The following HSPA12A variants were observed in gnomAD, a reference collection of about 807,000 sequenced individuals.
The protein encoded by HSPA12A is heat shock 70 kDa protein 12A.
A neutral mutation model predicts 69.2 loss-of-function variants in HSPA12A; 28 were observed. The observed-to-expected ratio is 0.40, with a 90% CI of 0.30 to 0.55. HSPA12A has a LOEUF of 0.55. Among genes scored for constraint, HSPA12A ranks in the 20% least tolerant of loss-of-function variants. The pLI is 0.38. For missense variants in HSPA12A, 686 were observed against 900.7 expected, an observed-to-expected ratio of 0.76 and a Z score of 3.05; for synonymous variants, 345 against 370.5, an observed-to-expected ratio of 0.93 and a Z score of 0.79.
At chr10:116,759,260 C>T (rs1456033437) in intron 2 of HSPA12A, among the ~76,000 whole-genome samples, 2 of 152,232 alleles carry the variant, frequency 1.3e-5, no homozygotes, top group Non-Finnish European at 2.9e-5. Flanking sequence ...GTTCTGTCTC[C>T]ATCTCTGTGG....
chr10:116,782,941 T>C (rs1844495477), intron 2 of HSPA12A, among the ~76,000 whole-genome samples: 1 of 152,152 alleles, frequency 6.6e-6, no homozygotes. Context: ...CGGAGGGTAC[T>C]GGAAGCCTTA....
At chr10:116,832,259 C>T (rs1208517139) in intron 2 of HSPA12A, 1 of 152,138 alleles carries the variant, frequency 6.6e-6, no homozygotes, top group Non-Finnish European at 1.5e-5. Context: ...CCTCCGCCTC[C>T]CCAGTTCAAG....
chr10:116,757,275 TGTGTC>T lies in HSPA12A; in HGVS notation c.92-49995_92-49991del, dbSNP rs549661812. Among the ~76,000 whole-genome samples the T allele has an allele frequency of 1.4e-3, 206 of 152,314 alleles. 2 individuals carry two copies. The highest frequency in any genetic ancestry group is 2.3e-3 in the Non-Finnish European group (158 of 68,036). ...GCACGTTAGTGTTACGGATTTTGCC[TGTGTC>T]CCAGGAGCTGGGTTAACAGCATGAG... On this transcript the variant is annotated intron_variant, in intron 2 of 12. Coordinates refer to the HSPA12A transcript ENST00000635765.
chr10:116,767,951 T>C (rs1227691400), intron 2 of HSPA12A, among the ~76,000 whole-genome samples: 2 of 152,110 alleles, frequency 1.3e-5, no homozygotes, highest in African/African-American at 4.8e-5. Context: ...TGGCAGTTCC[T>C]CAAAAAGTTA....
Position 116,742,489 on chromosome 10 carries a change from G to A in HSPA12A, c.-20C>T. 1 of 1,334,818 alleles carries A rather than the reference G, an allele frequency of 7.5e-7. No homozygotes were observed. Among genetic ancestry groups the A allele is most frequent in the Non-Finnish European group, 9.6e-7 (1 of 1,041,504 alleles). 82.7% of individuals were successfully genotyped at this position (1,334,818 alleles called of 1,614,324 possible). On this transcript the variant is annotated 5_prime_UTR_variant, in exon 1 of 12. Coordinates refer to ENST00000369209, the MANE Select transcript of HSPA12A (RefSeq NM_025015.3). ...CGCCATGGTCGCGCAGCCCCGGACC[G>A]CGAGGGGAGCCTCCAGCGCAGCGCC...
chr10:116,770,054 G>A (rs1374671747), intron 2 of HSPA12A, among the ~76,000 whole-genome samples: 1 of 152,208 alleles, frequency 6.6e-6, no homozygotes, highest in Non-Finnish European at 1.5e-5. Flanking sequence ...CAAGTAAGGA[G>A]AGAGTTTGTC....
intron 2 of HSPA12A, among the ~76,000 whole-genome samples, chr10:116,826,614 G>C (rs1225230286): frequency 1.3e-5 from 2 of 152,138 alleles, no homozygotes; most frequent in Non-Finnish European, 2.9e-5. Flanking sequence ...CTCACAAACA[G>C]TTCACATACA....
intron 1 of HSPA12A, among the ~76,000 whole-genome samples, chr10:116,837,069 G>A (rs189071498): frequency 7.8e-4 from 119 of 152,224 alleles, no homozygotes; most frequent in Non-Finnish European, 6.5e-4. Flanking sequence ...GTCACTTGGC[G>A]GCGGCAGTGA....
intron 2 of HSPA12A, among the ~76,000 whole-genome samples, chr10:116,753,216 T>A (rs1192572077): frequency 2.0e-5 from 3 of 152,076 alleles, no homozygotes; most frequent in Non-Finnish European, 4.4e-5. Flanking sequence ...GGCAAACCCA[T>A]GGCAGTGGGG....
chr10:116,707,148 TGC>T (rs146552482), intron 2 of HSPA12A, 50 bp downstream of exon 2: 264,663 of 940,348 alleles, frequency 0.28, 25,317 homozygotes, highest in Admixed American at 0.36. Flanking sequence ...TGCGCACCCA[TGC>T]GCGCACACAC....
At chr10:116,728,198 C>G (rs1851037084) in intron 1 of HSPA12A, among the ~76,000 whole-genome samples, 2 of 152,140 alleles carry the variant, frequency 1.3e-5, no homozygotes, top group South Asian at 4.1e-4. Context: ...ACCTGGGCCT[C>G]CTAAAGTGCT....
chr10:116,764,811 A>T (rs1554889602), intron 2 of HSPA12A, among the ~76,000 whole-genome samples: 1 of 152,216 alleles, frequency 6.6e-6, no homozygotes, highest in African/African-American at 2.4e-5. Flanking sequence ...AGTAGTAGAG[A>T]TACAATATAG....
chr10:116,732,979 G>A (rs1290294557), intron 1 of HSPA12A, among the ~76,000 whole-genome samples: 1 of 152,172 alleles, frequency 6.6e-6, no homozygotes, highest in Non-Finnish European at 1.5e-5. Context: ...GGTGGGCCCA[G>A]TCCAGACATT....
intron 6 of HSPA12A, among the ~76,000 whole-genome samples, chr10:116,688,918 G>T (rs1554879806): frequency 6.6e-6 from 1 of 152,172 alleles, no homozygotes; most frequent in African/African-American, 2.4e-5. Flanking sequence ...TCAGAAGAGG[G>T]ATCAGCTGTT....
intron 2 of HSPA12A, among the ~76,000 whole-genome samples, chr10:116,769,414 A>T (rs995529313): frequency 7.2e-5 from 11 of 152,044 alleles, no homozygotes; most frequent in Non-Finnish European, 1.6e-4. Flanking sequence ...TCCAATGTAG[A>T]CCCCTATGGT....
intron 5 of HSPA12A, chr10:116,698,393 C>T (rs1047014581): frequency 1.2e-5 from 5 of 401,906 alleles, no homozygotes; most frequent in South Asian, 7.6e-5. Context: ...CTGGGTCCTA[C>T]GGTAACTCTG....
chr10:116,746,940 C>T (rs1429500684), upstream of HSPA12A, among the ~76,000 whole-genome samples: 1 of 152,204 alleles, frequency 6.6e-6, no homozygotes, highest in Non-Finnish European at 1.5e-5. Flanking sequence ...GGAACGTTGT[C>T]CATGAACTGA....
exon 1 of HSPA12A, chr10:116,849,710 T>A (rs1483851855): frequency 4.6e-6 from 7 of 1,533,692 alleles, no homozygotes; most frequent in Non-Finnish European, 4.4e-6. Context: ...ACCTCCAGCC[T>A]GCCGACGTCT....
At chr10:116,699,638 T>C (rs997113352) in intron 4 of HSPA12A, among the ~76,000 whole-genome samples, 14 of 152,310 alleles carry the variant, frequency 9.2e-5, no homozygotes, top group Admixed American at 9.1e-4. Flanking sequence ...TGCTCACTCC[T>C]CCCAGCCAGC....
Sources: gnomAD v4.1 joint callset for allele counts (sites outside exome capture counted in the v4.1 genomes callset) on GRCh38, gnomAD v4.1.1 for gene constraint, MANE v1.5 for transcripts, NCBI Gene and HGNC (gene_info 2026-07-23, HGNC 2026-07-21) for gene names.